Variants in CYP2B6 observed in about 807,000 individuals in gnomAD.
CYP2B6 encodes the protein cytochrome P450 2B6.
Under a neutral mutation model 43.4 loss-of-function variants are expected in CYP2B6, and 35 were observed. The ratio of observed to expected loss-of-function variants is 0.81; its 90% CI spans 0.62 to 1.07. The LOEUF (loss-of-function observed/expected upper bound fraction) is 1.07. Ranked by LOEUF, CYP2B6 falls within the 50% of genes least tolerant of loss-of-function variation. The probability of loss-of-function intolerance (pLI) is 0.00; values close to 1 mark genes in which losing one functional copy is unlikely to be tolerated. For synonymous variants in CYP2B6, 239 were observed against 239.2 expected, an observed-to-expected ratio of 1.00 and a Z score of 0.01; for missense variants, 624 against 632.8, an observed-to-expected ratio of 0.99 and a Z score of 0.15.
intron 4 of CYP2B6, 156 bp downstream of exon 4, chr19:41,007,221 A>G (rs1969205986): frequency 2.7e-6 from 2 of 743,496 alleles, no homozygotes; most frequent in Admixed American, 2.2e-5. Flanking sequence ...ACCTGGAGGG[A>G]GGAGAGACGG....
intron 1 of CYP2B6, among the ~76,000 whole-genome samples, chr19:40,993,595 C>T (rs1968955745): frequency 6.6e-6 from 1 of 152,034 alleles, no homozygotes; most frequent in Non-Finnish European, 1.5e-5. Context: ...TAGGTCCTTC[C>T]CTCCACACCT....
At chr19:40,998,893 A>G (rs1333889266) in intron 1 of CYP2B6, among the ~76,000 whole-genome samples, 1 of 114,492 alleles carries the variant, frequency 8.7e-6, no homozygotes, top group Non-Finnish European at 1.8e-5. Flanking sequence ...ATACATGTGC[A>G]TGTGTCTTTA....
rs1196290325 is a variant in CYP2B6 at position 41,004,087 on chromosome 19, G to T, written c.258G>T (p.Glu86Asp). ...TGTGTGGAGTAGAGGCCATACGGGAGGCCCTTGTGGACAAGGCTGAGGCCT... is the reference window on the plus strand; with the variant it reads ...TGTGTGGAGTAGAGGCCATACGGGATGCCCTTGTGGACAAGGCTGAGGCCT... ...VMLCGVEAIR[E>D]ALVDKAEAFS... Residue 86 changes from glutamate (E) to aspartate (D), a missense_variant, in exon 2 of 9, where the codon GAG becomes GAT. Physicochemically the swap from Glu to Asp is conservative, Grantham distance 45. Coordinates refer to ENST00000324071, the MANE Select transcript of CYP2B6 (RefSeq NM_000767.5). The T allele has an allele frequency of 6.2e-7, 1 of 1,613,866 alleles. No individual in the cohort carries two copies.
At chr19:41,008,109 A>G (rs1427542000) in intron 4 of CYP2B6, among the ~76,000 whole-genome samples, 1 of 152,044 alleles carries the variant, frequency 6.6e-6, no homozygotes, top group Non-Finnish European at 1.5e-5. Flanking sequence ...CTCTTTTAAA[A>G]CAAAATACTA....
In CYP2B6 at chr19:41,001,995, A is replaced by T. The variant is rs142676337; in HGVS notation, c.172-2006A>T. Among the ~76,000 whole-genome samples the T allele has an allele frequency of 5.7e-4, 87 of 152,008 alleles. 1 individual carries two copies. In the East Asian group the frequency reaches 0.015, roughly 25 times the overall value. On this transcript the variant is annotated intron_variant, in intron 1 of 8. Coordinates refer to ENST00000324071, the MANE Select transcript of CYP2B6 (RefSeq NM_000767.5). ...GATTCAGGTGGAAGGCACTAGAAGGAGGCAGGGGTGGCTACAAGAATCCTG... is the reference window on the plus strand; with the variant it reads ...GATTCAGGTGGAAGGCACTAGAAGGTGGCAGGGGTGGCTACAAGAATCCTG...
intron 1 of CYP2B6, among the ~76,000 whole-genome samples, chr19:41,003,450 A>G (rs146534817): frequency 1.3e-3 from 196 of 152,188 alleles, no homozygotes; most frequent in African/African-American, 4.6e-3. Flanking sequence ...CGAATTCTTT[A>G]TTTCTGGAAT....
chr19:41,016,546 A>G (rs2291287), intron 8 of CYP2B6, 100 bp from the exon 9 acceptor site: 61,719 of 1,282,654 alleles, frequency 0.048, 1,684 homozygotes, highest in Middle Eastern at 0.096. Flanking sequence ...TCTTATGCAA[A>G]TCTGTTGCAG....
In CYP2B6 at chr19:41,013,669, G is replaced by A. The variant is rs902891129; in HGVS notation, c.1294+854G>A. ...TGGATTTATGGTCTAGCACTGGGAA[G>A]GTGGAAAAGGTCTTGACGTGCTCTG... On this transcript the variant is annotated intron_variant, in intron 8 of 8. Coordinates refer to ENST00000324071, the MANE Select transcript of CYP2B6 (RefSeq NM_000767.5). 2.4e-4 allele frequency among the ~76,000 whole-genome samples: 36 copies of A among 152,342 alleles called. 1 individual carries two copies. Among genetic ancestry groups the A allele is most frequent in the African/African-American group, 8.4e-4 (35 of 41,572 alleles).
intron 4 of CYP2B6, 126 bp from the exon 5 acceptor site, chr19:41,009,093 G>GT (rs1288747428): frequency 6.7e-6 from 5 of 746,922 alleles, no homozygotes; most frequent in Admixed American, 2.0e-5. Flanking sequence ...TGAGTGAGGG[G>GT]TTCAGAGGCA....
intron 6 of CYP2B6, among the ~76,000 whole-genome samples, chr19:41,011,217 C>T (rs1302033335): frequency 5.3e-5 from 8 of 152,166 alleles, no homozygotes; most frequent in African/African-American, 9.7e-5. Flanking sequence ...TTAATCCATC[C>T]GTGATTTCCT....
At chr19:41,016,433 A>AG (rs58178502) in intron 8 of CYP2B6, among the ~76,000 whole-genome samples, 3 of 99,008 alleles carry the variant, frequency 3.0e-5, no homozygotes, top group Admixed American at 1.1e-4. Context: ...AAAAAAAAAA[A>AG]AGAGAGAGAG....
rs1968985208 is a variant in CYP2B6 at position 40,995,383 on chromosome 19, C to T, written c.171+3907C>T. Among the ~76,000 whole-genome samples the T allele has an allele frequency of 2.0e-5, 3 of 152,102 alleles. 1 individual carries two copies. In the South Asian group the frequency reaches 6.2e-4, roughly 32 times the overall value. ...CCTGACATTTTGCTACAGAGAAGAA[C>T]TTGGCATTGTCCTTCCCAATGGAGT... is the stretch of plus-strand genomic sequence containing the variant. On this transcript the variant is annotated intron_variant, in intron 1 of 8. Transcript: ENST00000324071.
intron 1 of CYP2B6, among the ~76,000 whole-genome samples, chr19:41,002,191 A>G (rs1252145081): frequency 6.6e-6 from 1 of 152,066 alleles, no homozygotes. Flanking sequence ...GATATTAATT[A>G]TTTTACATTT....
chr19:41,002,093 G>A (rs913859556), intron 1 of CYP2B6, among the ~76,000 whole-genome samples: 1 of 152,118 alleles, frequency 6.6e-6, no homozygotes, highest in South Asian at 2.1e-4. Context: ...ATAGGGCCAC[G>A]TCATGTAGGA....
chr19:41,010,835 C>T (rs1262203104), intron 6 of CYP2B6, among the ~76,000 whole-genome samples: 3 of 152,106 alleles, frequency 2.0e-5, no homozygotes, highest in East Asian at 3.8e-4. Context: ...TATCATTCCT[C>T]TCTCTGTGTC....
chr19:41,006,716 T>C (rs2144670160), intron 3 of CYP2B6, among the ~76,000 whole-genome samples, 189 bp from the exon 4 acceptor site: 1 of 152,238 alleles, frequency 6.6e-6, no homozygotes, highest in East Asian at 1.9e-4. Flanking sequence ...TCAAATTGCA[T>C]CTGCCTCACA....
At chr19:41,008,098 GCT>G (rs1969223692) in intron 4 of CYP2B6, among the ~76,000 whole-genome samples, 1 of 151,320 alleles carries the variant, frequency 6.6e-6, no homozygotes, top group South Asian at 2.1e-4. Context: ...GCAGTCTTCT[GCT>G]CTTTTAAAAC....
intron 6 of CYP2B6, among the ~76,000 whole-genome samples, chr19:41,010,453 A>G (rs546179746): frequency 6.8e-4 from 99 of 146,312 alleles, no homozygotes; most frequent in African/African-American, 2.4e-3. Context: ...TCGCTCTGTC[A>G]CCCAGGCTGG....
At position 41,017,689 on chromosome 19, in the gene CYP2B6, C is replaced by T. The variant is rs151234181; in HGVS notation, c.*862C>T. 294 of 152,108 alleles carry T rather than the reference C, an allele frequency of 1.9e-3. No individual in the cohort carries two copies. Among genetic ancestry groups the T allele is most frequent in the African/African-American group, 6.8e-3 (284 of 41,472 alleles). The allele number at this position is 152,108 out of a possible 1,614,324, so 9.4% of individuals were successfully genotyped here. Reference sequence around the variant, plus strand: ...TCCTGATGTCAGGTGATTCTCCTAGCTCCAAATGTTTTCATTATCTCTCCC... The same window carrying T: ...TCCTGATGTCAGGTGATTCTCCTAGTTCCAAATGTTTTCATTATCTCTCCC... On this transcript the variant is annotated 3_prime_UTR_variant, in exon 9 of 9. Coordinates refer to ENST00000324071, the MANE Select transcript of CYP2B6 (RefSeq NM_000767.5).
Sources: gnomAD v4.1 joint callset for allele counts (sites outside exome capture counted in the v4.1 genomes callset) on GRCh38, gnomAD v4.1.1 for gene constraint, MANE v1.5 for transcripts, NCBI Gene and HGNC (gene_info 2026-07-23, HGNC 2026-07-21) for gene names.